ABCA13: variants seen among roughly 807,000 people sequenced by gnomAD.
The protein encoded by ABCA13 is ATP-binding cassette sub-family A member 13.
A neutral mutation model predicts 478.7 loss-of-function variants in ABCA13; 476 were observed. That is an observed-to-expected ratio of 0.99 (90% CI 0.92 to 1.07). The LOEUF is 1.07. Ranked by LOEUF, ABCA13 falls within the 50% of genes least tolerant of loss-of-function variation. The pLI, the probability that ABCA13 is intolerant of heterozygous loss-of-function variation, is 0.00. For missense variants in ABCA13, 6,060 were observed against 5,910.6 expected (o/e 1.03, Z -0.83); for synonymous variants, 2,252 against 2,158.9 (o/e 1.04, Z -1.20).
intron 32 of ABCA13, 110 bp downstream of exon 32, chr7:48,368,018 C>T (rs776731974): frequency 6.8e-6 from 5 of 737,888 alleles, no homozygotes; most frequent in Non-Finnish European, 1.1e-5. Context: ...CTTCCCTCTC[C>T]TCTGCTGGGG....
chr7:48,616,968 A>G (rs1023052223), intron 59 of ABCA13, among the ~76,000 whole-genome samples: 3 of 152,192 alleles, frequency 2.0e-5, no homozygotes, highest in African/African-American at 7.2e-5. Flanking sequence ...CAAGAGATCG[A>G]GGCTGCAGTA....
intron 55 of ABCA13, among the ~76,000 whole-genome samples, chr7:48,548,176 T>A (rs1430195468): frequency 6.6e-6 from 1 of 151,960 alleles, no homozygotes; most frequent in Admixed American, 6.6e-5. Flanking sequence ...TAGTTTTCAC[T>A]GGAAAATATT....
chr7:48,219,158 A>C (rs1259649575), intron 3 of ABCA13, among the ~76,000 whole-genome samples, 196 bp from the exon 4 acceptor site: 1 of 152,202 alleles, frequency 6.6e-6, no homozygotes, highest in Non-Finnish European at 1.5e-5. Flanking sequence ...TCTAATTTTA[A>C]ATTTGTGAAG....
rs57470116 is a variant in ABCA13 at position 48,290,940 on chromosome 7, GAAAAAAAAA to G, written c.8955+2882_8955+2890del. 3.1e-4 allele frequency among the ~76,000 whole-genome samples: 15 copies of G among 48,834 alleles called. No homozygotes were observed. In the East Asian group the frequency reaches 4.6e-3, roughly 15 times the overall value. 32.0% of individuals were successfully genotyped at this position (48,834 alleles called of 152,430 possible). A position where few individuals can be genotyped will look rare whatever the true frequency, so the allele number is the denominator to read the frequency against. ...AGGTTTAGAGAGCTTCACACTCAGGGAAAAAAAAAAAAAAAAAAAAAAAAAAAAGAGAAA... is the reference window on the plus strand; with the variant it reads ...AGGTTTAGAGAGCTTCACACTCAGGGAAAAAAAAAAAAAAAAAAAGAGAAA... On this transcript the variant is annotated intron_variant, in intron 20 of 61. Transcript: ENST00000435803.
At chr7:48,463,543 C>T (rs545676669) in intron 43 of ABCA13, among the ~76,000 whole-genome samples, 73 of 152,270 alleles carry the variant, frequency 4.8e-4, no homozygotes, top group African/African-American at 1.6e-3. Flanking sequence ...GTCCTTTTCC[C>T]TGGATGCTCT....
rs201982367 is a variant in ABCA13, at chr7:48,275,871, C to T, written c.6205C>T (p.Leu2069=). The change falls in exon 17 of 62, where the codon CTA becomes TTA. Residue 2069 remains leucine (L), a synonymous_variant. Transcript: ENST00000435803. ...CAAGTTTCAACAAATCATGAAAGACCTAACCCAAGATTTTAGAATCAGACA... is the reference window on the plus strand; with the variant it reads ...CAAGTTTCAACAAATCATGAAAGACTTAACCCAAGATTTTAGAATCAGACA... ...WPKFQQIMKD[L]TQDFRIRHLL... 6 of 1,613,390 alleles carry T rather than the reference C, an allele frequency of 3.7e-6. No individual in the cohort carries two copies. Among genetic ancestry groups the T allele is most frequent in the African/African-American group, 1.3e-5 (1 of 74,916 alleles).
chr7:48,570,319 CTTTTTTTTTTTTT>C (rs35693419), intron 55 of ABCA13, among the ~76,000 whole-genome samples: 1 of 88,202 alleles, frequency 1.1e-5, no homozygotes, highest in Non-Finnish European at 2.1e-5. Context: ...TTTGCATCCT[CTTTTTTTTTTTTT>C]TTTTTTTTTT....
intron 59 of ABCA13, 52 bp from the exon 60 acceptor site, chr7:48,643,236 C>A: frequency 1.7e-6 from 2 of 1,178,166 alleles, no homozygotes; most frequent in South Asian, 1.5e-5. Flanking sequence ...AGAATTTACT[C>A]ATCTTAGGTC....
Position 48,534,762 on chromosome 7 carries a change from G to T in ABCA13, c.14354+6417G>T, listed in dbSNP as rs542157386. On this transcript the variant is annotated intron_variant, in intron 55 of 61. Coordinates refer to ENST00000435803, the MANE Select transcript of ABCA13 (RefSeq NM_152701.5). The stretch of plus-strand genomic sequence containing the variant: ...GTTAATTAGAAAGTCTTGCCTTTGA[G>T]CTCTGAAGTTCTTGCTTCTGCTTTT... 1.3e-4 allele frequency among the ~76,000 whole-genome samples: 20 copies of T among 152,242 alleles called. No individual in the cohort carries two copies. In the East Asian group the frequency reaches 3.9e-3, roughly 29 times the overall value.
At chr7:48,303,333 A>G (rs1178018834) in intron 23 of ABCA13, among the ~76,000 whole-genome samples, 1 of 151,896 alleles carries the variant, frequency 6.6e-6, no homozygotes, top group African/African-American at 2.4e-5. Flanking sequence ...TAAGCTTTTT[A>G]GTTTAATTAG....
chr7:48,486,435 C>G lies in ABCA13; in HGVS notation c.13183-2801C>G, dbSNP rs186080936. 1.7e-3 allele frequency among the ~76,000 whole-genome samples: 265 copies of G among 152,250 alleles called. 1 individual carries two copies. Among genetic ancestry groups the G allele is most frequent in the African/African-American group, 6.1e-3 (255 of 41,550 alleles). ...CCCACTGTTTTCACACTGTAATATG[C>G]GTCACCCTTTTTTCAATTATTTATA... On this transcript the variant is annotated intron_variant, in intron 47 of 61. Coordinates refer to ENST00000435803, the MANE Select transcript of ABCA13 (RefSeq NM_152701.5).
At chr7:48,262,793 A>G (rs1271925282) in intron 15 of ABCA13, among the ~76,000 whole-genome samples, 1 of 151,954 alleles carries the variant, frequency 6.6e-6, no homozygotes, top group African/African-American at 2.4e-5. Context: ...TGTTTGAACC[A>G]GAACTTGTGG....
At chr7:48,262,427 T>TAG (rs1794319105) in intron 15 of ABCA13, among the ~76,000 whole-genome samples, 2 of 152,038 alleles carry the variant, frequency 1.3e-5, no homozygotes, top group East Asian at 3.9e-4. Context: ...TCATGAGACT[T>TAG]TGGGGGATTC....
intron 40 of ABCA13, among the ~76,000 whole-genome samples, chr7:48,411,291 C>CTT (rs1554500145): frequency 1.1e-5 from 1 of 92,888 alleles, no homozygotes; most frequent in Non-Finnish European, 2.2e-5. Context: ...TCCTTCCTTC[C>CTT]TTCTTTTCTT....
At chr7:48,251,080 C>G (rs1410170352) in intron 15 of ABCA13, among the ~76,000 whole-genome samples, 1 of 152,158 alleles carries the variant, frequency 6.6e-6, no homozygotes, top group African/African-American at 2.4e-5. Flanking sequence ...GTAAGATGGG[C>G]CTTTGCATTT....
intron 47 of ABCA13, among the ~76,000 whole-genome samples, chr7:48,487,876 T>C (rs551155819): frequency 5.3e-5 from 8 of 152,342 alleles, no homozygotes; most frequent in African/African-American, 1.9e-4. Context: ...ACACCTCTGA[T>C]ATATGACATA....
intron 21 of ABCA13, among the ~76,000 whole-genome samples, chr7:48,296,577 A>G (rs1442262502): frequency 1.3e-5 from 2 of 150,394 alleles, no homozygotes; most frequent in East Asian, 2.0e-4. Flanking sequence ...CTCCCTCCTC[A>G]GCCTCCTGAG....
At chr7:48,174,274 C>T (rs1028439850) in intron 1 of ABCA13, among the ~76,000 whole-genome samples, 1 of 151,974 alleles carries the variant, frequency 6.6e-6, no homozygotes, top group Non-Finnish European at 1.5e-5. Context: ...GGAAGCTTGT[C>T]TGTTTTTACA....
intron 15 of ABCA13, among the ~76,000 whole-genome samples, chr7:48,263,282 T>C (rs1047994300): frequency 6.6e-6 from 1 of 151,972 alleles, no homozygotes; most frequent in African/African-American, 2.4e-5. Flanking sequence ...CTTTATTTCC[T>C]CCTTTTCCTA....
Sources: gnomAD v4.1 joint callset for allele counts (sites outside exome capture counted in the v4.1 genomes callset) on GRCh38, gnomAD v4.1.1 for gene constraint, MANE v1.5 for transcripts, NCBI Gene and HGNC (gene_info 2026-07-23, HGNC 2026-07-21) for gene names.